Variants in IRAK1BP1 observed in about 807,000 individuals in gnomAD.
The protein encoded by IRAK1BP1 is interleukin 1 receptor associated kinase 1 binding protein 1, also known as interleukin-1 receptor-associated kinase 1-binding protein 1.
In IRAK1BP1, 24 loss-of-function variants were observed where a neutral mutation model predicts 28.0. The ratio of observed to expected loss-of-function variants is 0.86; its 90% CI spans 0.62 to 1.20. The LOEUF is 1.20. IRAK1BP1 is among the 50% of genes most tolerant of loss of function. The pLI is 0.00. For missense variants in IRAK1BP1, 336 were observed against 316.7 expected (o/e 1.06, Z -0.46); for synonymous variants, 131 against 116.3 (o/e 1.13, Z -0.81).
chr6:78,920,353 A>T (rs147944189), intron 4 of IRAK1BP1, among the ~76,000 whole-genome samples: 70 of 152,262 alleles, frequency 4.6e-4, no homozygotes, highest in African/African-American at 1.6e-3. Flanking sequence ...AAAAGAAAAA[A>T]CCCAAAGGAA....
chr6:78,913,779 A>G (rs1262525138), intron 4 of IRAK1BP1, among the ~76,000 whole-genome samples: 1 of 152,234 alleles, frequency 6.6e-6, no homozygotes, highest in African/African-American at 2.4e-5. Context: ...TATTTCAACT[A>G]TTTATATCAA....
chr6:78,899,823 A>G lies in IRAK1BP1; in HGVS notation c.*1489A>G, dbSNP rs559391285. ...TTAATAACATTTTATTTAACCAAAT[A>G]TATCAAAAATATTATTTCAGCATGT... On this transcript the variant is annotated 3_prime_UTR_variant, in exon 4 of 4. Transcript: ENST00000369940. 4 of 152,360 alleles carry G rather than the reference A, an allele frequency of 2.6e-5. No homozygotes were observed. The highest frequency in any genetic ancestry group is 6.5e-5 in the Admixed American group (1 of 15,298). The allele number at this position is 152,360 out of a possible 1,614,324, so 9.4% of individuals were successfully genotyped here.
chr6:78,962,824 T>C, the IRAK1BP1 span, among the ~76,000 whole-genome samples: 1 of 152,138 alleles, frequency 6.6e-6, no homozygotes, highest in Admixed American at 6.5e-5. Flanking sequence ...GTGTTTTAAA[T>C]TGGGTTGTGG....
chr6:78,898,365 C>T lies in IRAK1BP1; in HGVS notation c.*31C>T. ...CAAACAAATTATATTGTACTTGTAT[C>T]TTTTTACCTATTTTTATACTTTTTA... is the stretch of plus-strand genomic sequence containing the variant. On this transcript the variant is annotated 3_prime_UTR_variant, in exon 4 of 4. Transcript: ENST00000369940. 2 of 1,171,232 alleles carry T rather than the reference C, an allele frequency of 1.7e-6. No individual in the cohort carries two copies. The highest frequency in any genetic ancestry group is 2.3e-6 in the Non-Finnish European group (2 of 871,586). The allele number at this position is 1,171,232 out of a possible 1,614,324, so 72.6% of individuals were successfully genotyped here. A position where few individuals can be genotyped will look rare whatever the true frequency, so the allele number is the denominator to read the frequency against.
chr6:78,905,643 C>T (rs577549578), downstream of IRAK1BP1, among the ~76,000 whole-genome samples: 33 of 152,224 alleles, frequency 2.2e-4, no homozygotes, highest in Non-Finnish European at 4.6e-4. Context: ...GCTCTGTTGC[C>T]CAGGCTGGAG....
the IRAK1BP1 span, among the ~76,000 whole-genome samples, chr6:78,974,733 T>C: frequency 2.0e-5 from 3 of 152,140 alleles, no homozygotes; most frequent in South Asian, 6.2e-4. Flanking sequence ...CATCAGAGAA[T>C]ACTACAAACA....
At chr6:78,888,720 G>C (rs1428299993) in intron 2 of IRAK1BP1, among the ~76,000 whole-genome samples, 1 of 151,902 alleles carries the variant, frequency 6.6e-6, no homozygotes, top group East Asian at 2.0e-4. Context: ...TGGCCAGGCT[G>C]GTCTGGCCAA....
intron 1 of IRAK1BP1, among the ~76,000 whole-genome samples, chr6:78,870,246 C>CA (rs576297060): frequency 0.012 from 1,632 of 137,572 alleles, 22 homozygotes; most frequent in African/African-American, 0.038. Flanking sequence ...GACACTGTCT[C>CA]AAAAAAAAAA....
the IRAK1BP1 span, among the ~76,000 whole-genome samples, chr6:78,954,475 T>C: frequency 5.9e-5 from 9 of 152,114 alleles, no homozygotes; most frequent in African/African-American, 2.2e-4. Flanking sequence ...TATTCTTTTT[T>C]TCTAGATAAT....
chr6:78,883,371 A>G (rs139951408), intron 1 of IRAK1BP1, among the ~76,000 whole-genome samples: 33 of 152,364 alleles, frequency 2.2e-4, no homozygotes, highest in Middle Eastern at 3.4e-3. Context: ...TTACTAAAAT[A>G]TTAACAGTAA....
chr6:78,967,046 T>C, the IRAK1BP1 span, among the ~76,000 whole-genome samples: 1 of 152,212 alleles, frequency 6.6e-6, no homozygotes, highest in African/African-American at 2.4e-5. Flanking sequence ...TGAATTAAGT[T>C]AGCAATTAAT....
At chr6:78,883,127 A>G (rs1180468310) in intron 1 of IRAK1BP1, among the ~76,000 whole-genome samples, 3 of 152,028 alleles carry the variant, frequency 2.0e-5, no homozygotes, top group Non-Finnish European at 4.4e-5. Context: ...GCATGGTGGT[A>G]TGTGCCTGTT....
rs933340566 is a variant in IRAK1BP1 at position 78,899,181 on chromosome 6, A to G, written c.*847A>G. The G allele has an allele frequency of 6.6e-6, 1 of 152,252 alleles. No homozygotes were observed. Among genetic ancestry groups the G allele is most frequent in the Non-Finnish European group, 1.5e-5 (1 of 68,062 alleles). The allele number at this position is 152,252 out of a possible 1,614,324, so 9.4% of individuals were successfully genotyped here. On this transcript the variant is annotated 3_prime_UTR_variant, in exon 4 of 4. Coordinates refer to ENST00000369940, the MANE Select transcript of IRAK1BP1 (RefSeq NM_001010844.4). ...CAGAAGCAAACCTGCTCTTTGCCTCATCCCTTATAGATGCTCACTCAAAAC... is the reference window on the plus strand; with the variant it reads ...CAGAAGCAAACCTGCTCTTTGCCTCGTCCCTTATAGATGCTCACTCAAAAC...
At chr6:78,872,111 C>T (rs749499050) in intron 1 of IRAK1BP1, 1 of 701,466 alleles carries the variant, frequency 1.4e-6, no homozygotes, top group African/African-American at 1.7e-5. Context: ...AGCATCTTCA[C>T]CCCTTGGGGT....
intron 4 of IRAK1BP1, among the ~76,000 whole-genome samples, chr6:78,945,083 T>TC: frequency 7.2e-6 from 1 of 139,096 alleles, no homozygotes; most frequent in East Asian, 2.0e-4. Context: ...GATTTATTTC[T>TC]TTTTTTTTTT....
chr6:78,906,926 A>G (rs1312241293), downstream of IRAK1BP1, among the ~76,000 whole-genome samples: 1 of 152,206 alleles, frequency 6.6e-6, no homozygotes, highest in Non-Finnish European at 1.5e-5. Flanking sequence ...ATCTTCTCTG[A>G]AAGATGGTGG....
chr6:78,930,963 A>AT (rs1185322707), intron 4 of IRAK1BP1, among the ~76,000 whole-genome samples: 3 of 29,656 alleles, frequency 1.0e-4, no homozygotes, highest in Non-Finnish European at 2.2e-4. Context: ...TAAAAATAAA[A>AT]TAAAAAAAAA....
chr6:78,884,182 G>C (rs971939540), intron 1 of IRAK1BP1, among the ~76,000 whole-genome samples: 1 of 151,978 alleles, frequency 6.6e-6, no homozygotes, highest in African/African-American at 2.4e-5. Flanking sequence ...TTTTAACTTA[G>C]GTTAAAACTT....
At chr6:78,945,717 C>T (rs1255887934) in exon 5 of IRAK1BP1, 3 of 598,394 alleles carry the variant, frequency 5.0e-6, no homozygotes, top group East Asian at 3.0e-5. Context: ...TTCAAAATTT[C>T]GAAGGCAAGT....
Sources: allele counts gnomAD v4.1 joint callset (sites outside exome capture counted in the v4.1 genomes callset), GRCh38; gene constraint gnomAD v4.1.1; transcripts MANE v1.5; gene names NCBI Gene and HGNC (gene_info 2026-07-23, HGNC 2026-07-21).